Variants in PCSK5 observed in about 807,000 individuals in gnomAD.
PCSK5 encodes prohormone convertase 5.
In PCSK5, 129 loss-of-function variants were observed where a neutral mutation model predicts 233.2. That is an observed-to-expected ratio of 0.55 (90% CI 0.48 to 0.64). The LOEUF is 0.64. Ranked by LOEUF, PCSK5 falls within the 30% of genes least tolerant of loss-of-function variation. The pLI is 0.00. For synonymous variants in PCSK5, 825 were observed against 879.2 expected (o/e 0.94, Z 1.09); for missense variants, 2,076 against 2,430.1 (o/e 0.85, Z 3.06).
chr9:75,976,010 T>A (rs1333486229), intron 2 of PCSK5, among the ~76,000 whole-genome samples: 1 of 152,180 alleles, frequency 6.6e-6, no homozygotes, highest in Non-Finnish European at 1.5e-5. Flanking sequence ...CCAGGTGGCA[T>A]TCAGACAGTA....
intron 17 of PCSK5, among the ~76,000 whole-genome samples, chr9:76,188,335 G>C (rs1824200470): frequency 6.6e-6 from 1 of 152,146 alleles, no homozygotes; most frequent in South Asian, 2.1e-4. Flanking sequence ...AATTAAGGAG[G>C]CTGTCCCCGA....
intron 6 of PCSK5, among the ~76,000 whole-genome samples, chr9:76,068,505 T>C (rs750339790): frequency 1.6e-4 from 24 of 152,192 alleles, no homozygotes; most frequent in Non-Finnish European, 1.6e-4. Flanking sequence ...TTAATTGTAA[T>C]TAAAATGATA....
At chr9:76,284,466 A>G (rs1587834417) in intron 24 of PCSK5, among the ~76,000 whole-genome samples, 3 of 141,646 alleles carry the variant, frequency 2.1e-5, no homozygotes, top group Non-Finnish European at 4.6e-5. Flanking sequence ...TTCACCTTCC[A>G]CCATGATTGT....
In PCSK5 at chr9:76,349,142, C is replaced by G. The variant is rs186495685; in HGVS notation, c.4967-1686C>G. Reference sequence around the variant, plus strand: ...AAAAAAAATTAGCTGGGCGTGGTGGCGGGCTCCTGTAGTCCCAGCTACTCA... The same window carrying G: ...AAAAAAAATTAGCTGGGCGTGGTGGGGGGCTCCTGTAGTCCCAGCTACTCA... On this transcript the variant is annotated intron_variant, in intron 35 of 37. Transcript: ENST00000674117. Among the ~76,000 whole-genome samples the G allele has an allele frequency of 1.6e-3, 246 of 151,220 alleles. 2 individuals carry two copies. The Middle Eastern group carries it at 0.041, about 25-fold the overall frequency.
At chr9:76,028,066 C>T (rs1162685090) in intron 5 of PCSK5, among the ~76,000 whole-genome samples, 2 of 152,104 alleles carry the variant, frequency 1.3e-5, no homozygotes, top group Non-Finnish European at 2.9e-5. Context: ...ACAAAGAAAG[C>T]TTAACAAAAT....
At chr9:76,285,823 A>AG (rs557022035) in intron 24 of PCSK5, among the ~76,000 whole-genome samples, 11 of 152,284 alleles carry the variant, frequency 7.2e-5, no homozygotes, top group African/African-American at 2.2e-4. Flanking sequence ...AATTAGAAAA[A>AG]AAAAATAAAG....
chr9:76,325,883 C>G (rs374590225), intron 32 of PCSK5, among the ~76,000 whole-genome samples: 2 of 152,090 alleles, frequency 1.3e-5, no homozygotes, highest in African/African-American at 4.8e-5. Flanking sequence ...GTGATCTGCC[C>G]GTCTCTGCCT....
At chr9:76,044,437 GAT>G (rs1829293603) in intron 5 of PCSK5, among the ~76,000 whole-genome samples, 1 of 152,194 alleles carries the variant, frequency 6.6e-6, no homozygotes, top group Non-Finnish European at 1.5e-5. Flanking sequence ...GTGAAAGTCT[GAT>G]ATTGGGAAAG....
intron 30 of PCSK5, among the ~76,000 whole-genome samples, chr9:76,321,051 T>C (rs913510734): frequency 6.6e-6 from 1 of 151,980 alleles, no homozygotes; most frequent in South Asian, 2.1e-4. Flanking sequence ...CCTGACCTGA[T>C]GACCTGCCCA....
At chr9:76,058,584 C>G (rs767157761) in intron 5 of PCSK5, among the ~76,000 whole-genome samples, 1 of 152,064 alleles carries the variant, frequency 6.6e-6, no homozygotes, top group South Asian at 2.1e-4. Context: ...TTCTTTGGAT[C>G]AAGGAGCGTC....
chr9:76,212,042 G>A, intron 20 of PCSK5, among the ~76,000 whole-genome samples: 1 of 152,120 alleles, frequency 6.6e-6, no homozygotes, highest in Admixed American at 6.5e-5. Context: ...CATTCTAAAT[G>A]GTCCCAGCCA....
intron 1 of PCSK5, among the ~76,000 whole-genome samples, chr9:75,916,091 C>T (rs1822975271): frequency 6.6e-6 from 1 of 152,100 alleles, no homozygotes; most frequent in Non-Finnish European, 1.5e-5. Flanking sequence ...AAAAGCTTGG[C>T]ACTTTAAAGC....
chr9:76,020,654 T>C (rs1828144766), intron 3 of PCSK5, among the ~76,000 whole-genome samples: 1 of 152,188 alleles, frequency 6.6e-6, no homozygotes, highest in Non-Finnish European at 1.5e-5. Context: ...TATTTAATGG[T>C]AAAGTCAGAT....
At chr9:76,204,381 G>A (rs572207582) in intron 20 of PCSK5, among the ~76,000 whole-genome samples, 3 of 152,188 alleles carry the variant, frequency 2.0e-5, no homozygotes, top group Non-Finnish European at 2.9e-5. Context: ...CATGTCCTGC[G>A]AAGTCTGATA....
chr9:76,293,763 C>T (rs1185099092), intron 25 of PCSK5, among the ~76,000 whole-genome samples: 4 of 152,246 alleles, frequency 2.6e-5, no homozygotes, highest in Non-Finnish European at 5.9e-5. Flanking sequence ...TTCATAAAAC[C>T]CTCTGAAAAA....
At chr9:76,339,532 T>C (rs1273829563) in intron 35 of PCSK5, among the ~76,000 whole-genome samples, 1 of 152,062 alleles carries the variant, frequency 6.6e-6, no homozygotes, top group African/African-American at 2.4e-5. Context: ...TACACTTCAA[T>C]AAACTTTTAA....
chr9:75,959,100 A>T (rs904005421), intron 2 of PCSK5, among the ~76,000 whole-genome samples: 4 of 152,236 alleles, frequency 2.6e-5, no homozygotes, highest in African/African-American at 9.6e-5. Flanking sequence ...CTGTGAAGAA[A>T]GTTTGCTCAT....
At chr9:76,066,679 TA>T (rs149248091) in intron 5 of PCSK5, among the ~76,000 whole-genome samples, 15,002 of 152,214 alleles carry the variant, frequency 0.099, 1,005 homozygotes, top group African/African-American at 0.18. Context: ...GATTAATGTT[TA>T]GAAAAATATA....
Position 76,139,030 on chromosome 9 carries a change from C to G in PCSK5, c.1312+4818C>G, listed in dbSNP as rs1330668917. Among the ~76,000 whole-genome samples the G allele has an allele frequency of 2.0e-5, 3 of 151,972 alleles. No homozygotes were observed. The East Asian group carries it at 5.8e-4, about 29-fold the overall frequency. On this transcript the variant is annotated intron_variant, in intron 10 of 37. Coordinates refer to ENST00000674117, the MANE Select transcript of PCSK5 (RefSeq NM_001372043.1). ...GTGGGGAAAACAATTGACAGTCTAACATGACTTCTTAGCCTCCGAGGCCTT... is the reference window on the plus strand; with the variant it reads ...GTGGGGAAAACAATTGACAGTCTAAGATGACTTCTTAGCCTCCGAGGCCTT...
Sources: allele counts gnomAD v4.1 joint callset (sites outside exome capture counted in the v4.1 genomes callset), GRCh38; gene constraint gnomAD v4.1.1; transcripts MANE v1.5; gene names NCBI Gene and HGNC (gene_info 2026-07-23, HGNC 2026-07-21).